NEK10: variants seen among roughly 807,000 people sequenced by gnomAD.
NEK10 encodes the protein serine/threonine-protein kinase Nek10.
In NEK10, 122 loss-of-function variants were observed where a neutral mutation model predicts 159.8. The observed-to-expected ratio is 0.76, with a 90% CI of 0.66 to 0.89. The LOEUF is 0.89. Ranked by LOEUF, NEK10 falls within the 40% of genes least tolerant of loss-of-function variation. The pLI, the probability that NEK10 is intolerant of heterozygous loss-of-function variation, is 0.00. For missense variants in NEK10, 1,342 were observed against 1,323.1 expected (o/e 1.01, Z -0.22); for synonymous variants, 466 against 457.1 (o/e 1.02, Z -0.25).
At position 27,260,520 on chromosome 3, in the gene NEK10, G is replaced by A. The variant is rs549512851; in HGVS notation, c.2015-4149C>T. 2.3e-3 allele frequency among the ~76,000 whole-genome samples: 352 copies of A among 152,242 alleles called. 1 individual carries two copies. In the Middle Eastern group the frequency reaches 0.024, roughly 10 times the overall value. On this transcript the variant is annotated intron_variant, in intron 22 of 35. Transcript: ENST00000691995. ...TGGTTCTGTTTATATGCAGGATTAC[G>A]TTTATTGATTTGCGTATGTTGAACC...
intron 23 of NEK10, among the ~76,000 whole-genome samples, chr3:27,218,690 T>A (rs1363345790): frequency 1.0e-4 from 7 of 69,592 alleles, no homozygotes; most frequent in Middle Eastern, 0.011. Flanking sequence ...CGGCTTAAAA[T>A]ACGAAAATCA....
intron 23 of NEK10, chr3:27,215,561 G>T: frequency 1.3e-5 from 6 of 467,136 alleles, no homozygotes; most frequent in Non-Finnish European, 2.3e-5. Flanking sequence ...TCTTTCCTTG[G>T]ATGTTGGCAG....
intron 23 of NEK10, among the ~76,000 whole-genome samples, chr3:27,207,677 C>G (rs1042427809): frequency 4.6e-5 from 7 of 152,160 alleles, no homozygotes; most frequent in Non-Finnish European, 1.0e-4. Flanking sequence ...TGTGTTAATT[C>G]TGAGTCTATT....
rs1947347996 is a variant in NEK10, at chr3:27,174,809, T to A, written c.2530A>T (p.Ser844Cys). The change falls in exon 27 of 36, where the codon AGT (serine) becomes TGT (cysteine). Residue 844 changes from serine (S) to cysteine (C), a missense_variant. Transcript: ENST00000691995. ...CTGGCTGCTCCACTGCTGCTGCTAC[T>A]CAAACTTGCCTTCTCAAAGGTCTCC... Reference protein sequence around the residue: ...SHETFEKASLSSSSSGAASLK... With the variant: ...SHETFEKASLCSSSSGAASLK... The A allele has an allele frequency of 3.1e-6, 5 of 1,599,124 alleles. No individual in the cohort carries two copies. The highest frequency in any genetic ancestry group is 4.3e-6 in the Non-Finnish European group (5 of 1,175,140).
At chr3:27,312,227 A>G in intron 7 of NEK10, 50 bp from the exon 8 acceptor site, 1 of 1,026,062 alleles carries the variant, frequency 9.7e-7, no homozygotes, top group Non-Finnish European at 1.4e-6. Flanking sequence ...AAAAGCACCC[A>G]AGGAAGCAAG....
intron 1 of NEK10, among the ~76,000 whole-genome samples, chr3:27,355,271 A>G (rs2149839675): frequency 6.6e-6 from 1 of 152,098 alleles, no homozygotes; most frequent in South Asian, 2.1e-4. Flanking sequence ...CCCTCTCCCA[A>G]GGATCTCTTG....
intron 22 of NEK10, among the ~76,000 whole-genome samples, chr3:27,263,418 G>C (rs1027238496): frequency 1.3e-5 from 2 of 152,218 alleles, no homozygotes; most frequent in Admixed American, 6.5e-5. Context: ...CCCAGAGGTG[G>C]AGTCTACAGA....
intron 20 of NEK10, among the ~76,000 whole-genome samples, chr3:27,285,188 A>T (rs958944510): frequency 3.9e-5 from 6 of 152,094 alleles, no homozygotes; most frequent in African/African-American, 1.4e-4. Flanking sequence ...GCTACAGACA[A>T]CCCCTTAGCA....
rs572710473 is a variant in NEK10 at position 27,298,481 on chromosome 3, T to C, written c.1169-1241A>G. ...TTTGGAAATTGCCCAGTCTCAGGTA[T>C]GTCTTTATCAGCAGCATGAAAATGG... On this transcript the variant is annotated intron_variant, in intron 13 of 35. Transcript: ENST00000691995. Among the ~76,000 whole-genome samples, 143 of 152,352 alleles carry C rather than the reference T, an allele frequency of 9.4e-4. 1 individual carries two copies. The highest frequency in any genetic ancestry group is 3.9e-4 in the East Asian group (2 of 5,188).
At chr3:27,333,671 G>A (rs985654654) in intron 5 of NEK10, among the ~76,000 whole-genome samples, 1 of 152,070 alleles carries the variant, frequency 6.6e-6, no homozygotes, top group African/African-American at 2.4e-5. Context: ...ACAAGCAACC[G>A]TGGGCTACCA....
intron 1 of NEK10, among the ~76,000 whole-genome samples, chr3:27,363,240 A>G (rs1383005693): frequency 6.6e-6 from 1 of 152,222 alleles, no homozygotes; most frequent in Non-Finnish European, 1.5e-5. Flanking sequence ...CCTCCTAGAC[A>G]GGGTCACAAC....
In NEK10 at chr3:27,116,112, A is replaced by G. The variant is rs111622636; in HGVS notation, c.3206T>C (p.Ile1069Thr). The change falls in exon 34 of 36, where the codon ATT becomes ACT. Residue 1069 changes from isoleucine to threonine, a missense_variant. Physicochemically the swap from Ile to Thr is moderately conservative, Grantham distance 89. Coordinates refer to ENST00000691995, the MANE Select transcript of NEK10 (RefSeq NM_001394966.1). Reference protein sequence around the residue: ...PNDPTGLPTSIELEEGITYEQ... With the variant: ...PNDPTGLPTSTELEEGITYEQ... ...ATATGTTATTCCTTCCTCCAATTCA[A>G]TGCTGGTTGGTAAACCTAAAAAAGA... 9 of 1,613,566 alleles carry G rather than the reference A, an allele frequency of 5.6e-6. No individual in the cohort carries two copies. Among genetic ancestry groups the G allele is most frequent in the African/African-American group, 4.0e-5 (3 of 75,024 alleles).
intron 31 of NEK10, among the ~76,000 whole-genome samples, chr3:27,137,254 A>G (rs952817407): frequency 4.6e-5 from 7 of 152,186 alleles, no homozygotes; most frequent in Admixed American, 1.3e-4. Flanking sequence ...AAAAAATGAA[A>G]TCATTTGTTA....
At chr3:27,189,097 C>T (rs1203016395) in intron 26 of NEK10, among the ~76,000 whole-genome samples, 1 of 152,070 alleles carries the variant, frequency 6.6e-6, no homozygotes, top group African/African-American at 2.4e-5. Context: ...CAACTCTATA[C>T]TCTCCTTATG....
At chr3:27,163,007 T>C (rs554414973) in intron 29 of NEK10, among the ~76,000 whole-genome samples, 10 of 152,194 alleles carry the variant, frequency 6.6e-5, no homozygotes, top group African/African-American at 2.4e-4. Flanking sequence ...CCTGAATAAT[T>C]TTCTAGTTAC....
intron 23 of NEK10, among the ~76,000 whole-genome samples, chr3:27,239,872 T>G (rs933132835): frequency 6.6e-6 from 1 of 152,022 alleles, no homozygotes; most frequent in South Asian, 2.1e-4. Flanking sequence ...AACACTAGAT[T>G]TTTTTTTATT....
chr3:27,243,351 A>C (rs1231779177), intron 23 of NEK10, among the ~76,000 whole-genome samples: 1 of 152,218 alleles, frequency 6.6e-6, no homozygotes, highest in African/African-American at 2.4e-5. Context: ...ATTCACAAGA[A>C]TAAGACAAAT....
chr3:27,222,499 A>T lies in NEK10; in HGVS notation c.2091-19942T>A, dbSNP rs527449760. On this transcript the variant is annotated intron_variant, in intron 23 of 35. Coordinates refer to ENST00000691995, the MANE Select transcript of NEK10 (RefSeq NM_001394966.1). ...ATGAAATATTTCATAATACAAAAGA[A>T]TGAAAAACATCGAAATAATTCTTAG... Among the ~76,000 whole-genome samples, 36 of 152,378 alleles carry T rather than the reference A, an allele frequency of 2.4e-4. No individual in the cohort carries two copies. The South Asian group carries it at 7.2e-3, about 31-fold the overall frequency.
At chr3:27,146,448 G>T in intron 30 of NEK10, among the ~76,000 whole-genome samples, 1 of 152,228 alleles carries the variant, frequency 6.6e-6, no homozygotes. Flanking sequence ...GGTTAAGGAA[G>T]GAAATCCATG....
Sources: allele counts gnomAD v4.1 joint callset (sites outside exome capture counted in the v4.1 genomes callset), GRCh38; gene constraint gnomAD v4.1.1; transcripts MANE v1.5; gene names NCBI Gene and HGNC (gene_info 2026-07-23, HGNC 2026-07-21).